The following CCDC152 variants were observed in gnomAD, a reference collection of about 807,000 sequenced individuals.
CCDC152 encodes the protein coiled-coil domain containing 152.
CCDC152 carries 37 observed loss-of-function variants against 38.1 expected under a neutral mutation model. The ratio of observed to expected loss-of-function variants is 0.97; its 90% CI spans 0.75 to 1.28. The LOEUF (loss-of-function observed/expected upper bound fraction) is 1.28. Ranked by LOEUF, CCDC152 falls within the 50% of genes most tolerant of loss-of-function variation. The pLI is 0.00. For synonymous variants in CCDC152, 83 were observed against 87.1 expected (o/e 0.95, Z 0.26); for missense variants, 259 against 292.1 (o/e 0.89, Z 0.83).
In CCDC152 at chr5:42,799,806, G is replaced by T. The variant is rs1230719463; in HGVS notation, c.*25G>T. On this transcript the variant is annotated 3_prime_UTR_variant, in exon 9 of 9. Transcript: ENST00000361970. ...AGCTTAGCAGTAAATTCATTAGTTGGTATTTATTTAAAAGCAATCGAAAGT... is the reference window on the plus strand; with the variant it reads ...AGCTTAGCAGTAAATTCATTAGTTGTTATTTATTTAAAAGCAATCGAAAGT... The T allele has an allele frequency of 6.5e-7, 1 of 1,546,324 alleles. No homozygotes were observed. Among genetic ancestry groups the T allele is most frequent in the Non-Finnish European group, 8.7e-7 (1 of 1,145,608 alleles).
At chr5:42,788,560 C>T (rs919775799) in intron 6 of CCDC152, among the ~76,000 whole-genome samples, 2 of 152,052 alleles carry the variant, frequency 1.3e-5, no homozygotes, top group African/African-American at 4.8e-5. Flanking sequence ...GTGCCTGGTC[C>T]TTCATCTGTA....
chr5:42,797,026 C>A, intron 7 of CCDC152, 70 bp downstream of exon 7: 1 of 1,171,394 alleles, frequency 8.5e-7, no homozygotes, highest in Non-Finnish European at 1.2e-6. Context: ...GATTGTTTTT[C>A]ATCACAGTGA....
chr5:42,777,579 A>C (rs1403739310), intron 4 of CCDC152, among the ~76,000 whole-genome samples: 1 of 152,244 alleles, frequency 6.6e-6, no homozygotes, highest in Non-Finnish European at 1.5e-5. Context: ...TGAAAGACAC[A>C]ATCTGACAAA....
chr5:42,761,253 C>T (rs974087338), intron 2 of CCDC152, among the ~76,000 whole-genome samples: 1 of 152,220 alleles, frequency 6.6e-6, no homozygotes, highest in Non-Finnish European at 1.5e-5. Context: ...GTCTGTCTCT[C>T]TCTCAGTAAG....
At chr5:42,777,274 C>T (rs1406800677) in intron 4 of CCDC152, among the ~76,000 whole-genome samples, 2 of 151,920 alleles carry the variant, frequency 1.3e-5, no homozygotes, top group Non-Finnish European at 2.9e-5. Flanking sequence ...ACCAGCCTGG[C>T]CAACATGGTG....
intron 3 of CCDC152, among the ~76,000 whole-genome samples, chr5:42,762,914 T>C (rs1017430244): frequency 1.1e-4 from 17 of 152,176 alleles, no homozygotes; most frequent in Admixed American, 1.1e-3. Flanking sequence ...GTCAAATGTG[T>C]CAAAAAAATT....
At chr5:42,777,190 A>C (rs1446244989) in intron 4 of CCDC152, among the ~76,000 whole-genome samples, 2 of 152,164 alleles carry the variant, frequency 1.3e-5, no homozygotes, top group Admixed American at 1.3e-4. Context: ...GAGATTACTC[A>C]AGTTAATAAT....
intron 4 of CCDC152, among the ~76,000 whole-genome samples, chr5:42,774,099 G>A (rs760894776): frequency 2.0e-5 from 3 of 152,160 alleles, no homozygotes; most frequent in East Asian, 1.9e-4. Context: ...AACTGAGGTC[G>A]CAGGACAAAC....
chr5:42,757,154 A>T (rs1333889939), intron 1 of CCDC152, among the ~76,000 whole-genome samples: 1 of 152,008 alleles, frequency 6.6e-6, no homozygotes, highest in African/African-American at 2.4e-5. Flanking sequence ...TTTTTGTCTC[A>T]GGCACTTCTC....
intron 6 of CCDC152, among the ~76,000 whole-genome samples, chr5:42,784,997 G>A (rs1286179223): frequency 2.0e-5 from 3 of 151,938 alleles, no homozygotes; most frequent in African/African-American, 7.2e-5. Flanking sequence ...TGCTGTTTTG[G>A]CTATTATAGC....
chr5:42,798,172 TA>T (rs1221767739), intron 7 of CCDC152, among the ~76,000 whole-genome samples: 5 of 152,046 alleles, frequency 3.3e-5, no homozygotes, highest in Non-Finnish European at 7.4e-5. Flanking sequence ...CAGTCTTGAG[TA>T]GTTCATTTAA....
chr5:42,758,641 C>G (rs781208185), intron 1 of CCDC152, among the ~76,000 whole-genome samples: 2 of 152,090 alleles, frequency 1.3e-5, no homozygotes, highest in Non-Finnish European at 2.9e-5. Context: ...CTGGCTATCC[C>G]CAAAGGTTAA....
At position 42,792,342 on chromosome 5, in the gene CCDC152, T is replaced by A. The variant is rs548684146; in HGVS notation, c.431-4487T>A. Among the ~76,000 whole-genome samples, 232 of 152,314 alleles carry A rather than the reference T, an allele frequency of 1.5e-3. 1 individual carries two copies. Among genetic ancestry groups the A allele is most frequent in the African/African-American group, 5.3e-3 (222 of 41,560 alleles). On this transcript the variant is annotated intron_variant, in intron 6 of 8. Transcript: ENST00000361970. ...GTAAGCTACCAAAGAGATCTCTCAC[T>A]CTCACATTTATTCTTTAATTCTGTA...
intron 2 of CCDC152, among the ~76,000 whole-genome samples, chr5:42,762,107 A>G (rs1025760735): frequency 3.3e-5 from 5 of 152,236 alleles, no homozygotes; most frequent in African/African-American, 1.2e-4. Flanking sequence ...AAACCTGGAC[A>G]GCATGTTACT....
intron 2 of CCDC152, among the ~76,000 whole-genome samples, chr5:42,759,781 C>T (rs1759525495): frequency 6.6e-6 from 1 of 152,036 alleles, no homozygotes; most frequent in African/African-American, 2.4e-5. Flanking sequence ...GAGAGAGAGA[C>T]CACATTTATG....
At chr5:42,797,935 G>A (rs1760096990) in intron 7 of CCDC152, among the ~76,000 whole-genome samples, 1 of 152,002 alleles carries the variant, frequency 6.6e-6, no homozygotes, top group African/African-American at 2.4e-5. Flanking sequence ...ATCACCTAAG[G>A]TCAGGAGTTC....
At chr5:42,761,768 T>C (rs1759556843) in intron 2 of CCDC152, among the ~76,000 whole-genome samples, 2 of 152,194 alleles carry the variant, frequency 1.3e-5, no homozygotes, top group Admixed American at 6.5e-5. Context: ...TTTGGAAACA[T>C]ATATAAGGAA....
intron 6 of CCDC152, among the ~76,000 whole-genome samples, chr5:42,787,875 G>T (rs1759944082): frequency 6.6e-6 from 1 of 152,146 alleles, no homozygotes; most frequent in Non-Finnish European, 1.5e-5. Flanking sequence ...GAAGTCAATA[G>T]ATGGTTGAGT....
At chr5:42,786,950 T>G (rs1759928376) in intron 6 of CCDC152, among the ~76,000 whole-genome samples, 1 of 152,078 alleles carries the variant, frequency 6.6e-6, no homozygotes, top group South Asian at 2.1e-4. Context: ...TATGTATTTG[T>G]GTGGTTTTGC....
Sources: allele counts gnomAD v4.1 joint callset (sites outside exome capture counted in the v4.1 genomes callset), GRCh38; gene constraint gnomAD v4.1.1; transcripts MANE v1.5; gene names NCBI Gene and HGNC (gene_info 2026-07-23, HGNC 2026-07-21).